The following ALDH3B2 variants were observed in gnomAD, a reference collection of about 807,000 sequenced individuals.
ALDH3B2 encodes aldehyde dehydrogenase family 3 member B2.
A neutral mutation model predicts 36.7 loss-of-function variants in ALDH3B2; 45 were observed. The observed-to-expected ratio is 1.23, with a 90% CI of 0.97 to 1.57. The LOEUF is 1.57. ALDH3B2 is among the 40% of genes most tolerant of loss of function. ALDH3B2 has a pLI of 0.00. For missense variants in ALDH3B2, 464 were observed against 513.3 expected, an observed-to-expected ratio of 0.90 and a Z score of 0.93; for synonymous variants, 217 against 226.5, an observed-to-expected ratio of 0.96 and a Z score of 0.38.
intron 1 of ALDH3B2, among the ~76,000 whole-genome samples, chr11:67,670,586 C>T (rs1387329342): frequency 3.9e-5 from 6 of 152,132 alleles, no homozygotes; most frequent in African/African-American, 1.2e-4. Context: ...GGACAGTGCT[C>T]GCCCATGGAC....
intron 6 of ALDH3B2, 125 bp from the exon 7 acceptor site, chr11:67,665,796 G>C: frequency 7.1e-7 from 1 of 1,406,228 alleles, no homozygotes; most frequent in Non-Finnish European, 9.6e-7. Context: ...ACATGGTGAG[G>C]AGACCCCATC....
At chr11:67,671,700 C>G (rs941936858) in intron 1 of ALDH3B2, among the ~76,000 whole-genome samples, 3 of 151,906 alleles carry the variant, frequency 2.0e-5, no homozygotes, top group Non-Finnish European at 2.9e-5. Context: ...GCATGCACCA[C>G]CACGCCCAAA....
intron 1 of ALDH3B2, among the ~76,000 whole-genome samples, chr11:67,679,863 G>C (rs1260548391): frequency 1.3e-5 from 2 of 152,090 alleles, no homozygotes; most frequent in Non-Finnish European, 2.9e-5. Context: ...ACATAAATTG[G>C]TCTTACTATA....
chr11:67,664,642 G>T, intron 7 of ALDH3B2, 80 bp from the exon 8 acceptor site: 3 of 1,553,536 alleles, frequency 1.9e-6, no homozygotes, highest in Non-Finnish European at 8.7e-7. Context: ...GGGGACAGGG[G>T]CATGGGCCAG....
chr11:67,676,196 G>A (rs553640465), upstream of ALDH3B2, among the ~76,000 whole-genome samples: 139 of 152,230 alleles, frequency 9.1e-4, no homozygotes, highest in African/African-American at 3.2e-3. Context: ...GCAGTGAGCT[G>A]AGAGCACACC....
intron 8 of ALDH3B2, 127 bp from the exon 9 acceptor site, chr11:67,663,888 T>G (rs1344783416): frequency 1.3e-6 from 1 of 741,004 alleles, no homozygotes; most frequent in Non-Finnish European, 2.1e-6. Flanking sequence ...GGCAATAATC[T>G]CCGCTCTAAG....
upstream of ALDH3B2, among the ~76,000 whole-genome samples, chr11:67,676,269 C>T (rs116236282): frequency 1.8e-3 from 267 of 151,856 alleles, no homozygotes; most frequent in African/African-American, 5.5e-3. Context: ...TCTTAGACCA[C>T]GGTGGAATAA....
intron 7 of ALDH3B2, 146 bp downstream of exon 7, chr11:67,665,139 C>A (rs557994495): frequency 7.2e-7 from 1 of 1,392,612 alleles, no homozygotes; most frequent in Non-Finnish European, 9.7e-7. Flanking sequence ...GAGACGGAAT[C>A]GTGGCACCAG....
At chr11:67,662,417 G>A (rs1443015070) in exon 10 of ALDH3B2, 1 of 152,244 alleles carries the variant, frequency 6.6e-6, no homozygotes, top group Non-Finnish European at 1.5e-5. Context: ...TCTTGAGGAC[G>A]TGCTTTCCAT....
rs771280828 is a variant in ALDH3B2, at chr11:67,663,324, G to A, written c.1049C>T (p.Ala350Val). 4 of 1,614,186 alleles carry A rather than the reference G, an allele frequency of 2.5e-6. No individual in the cohort carries two copies. The South Asian group carries it at 4.4e-5, about 18-fold the overall frequency. ...CTTTAATTTCTCCAGGCCGGAGGGG[G>A]CGAGCAGGCAGGTGCGGTGGTGGGA... is the stretch of plus-strand genomic sequence containing the variant. Residue 350 changes from alanine (A) to valine (V), a missense_variant, in exon 10 of 10, where the codon GCC (alanine) becomes GTC (valine). Coordinates refer to ENST00000349015, the Ensembl canonical transcript of ALDH3B2.
At chr11:67,668,883 G>GGTGTCTGTGTGTGTATGGGTGCTGT (rs1555036414) in intron 1 of ALDH3B2, among the ~76,000 whole-genome samples, 2 of 147,116 alleles carry the variant, frequency 1.4e-5, no homozygotes, top group African/African-American at 5.1e-5. Context: ...TGTGTGTATG[G>GGTGTCTGTGTGTGTATGGGTGCTGT]GTGTCTGTGT....
In ALDH3B2 at chr11:67,663,809, G is replaced by A. The variant is rs370310827; in HGVS notation, c.874-48C>T. On this transcript the variant is annotated intron_variant, in intron 8 of 9. Transcript: ENST00000349015. ...GTGTTGGGCTCTAGTCATGAGAAGAGGGCTTGAGCCCCGCACATTCCACAG... is the reference window on the plus strand; with the variant it reads ...GTGTTGGGCTCTAGTCATGAGAAGAAGGCTTGAGCCCCGCACATTCCACAG... 1,387 of 1,523,024 alleles carry A rather than the reference G, an allele frequency of 9.1e-4. 3 individuals carry two copies. Among genetic ancestry groups the A allele is most frequent in the Non-Finnish European group, 1.1e-3 (1,254 of 1,111,186 alleles). The allele number at this position is 1,523,024 out of a possible 1,614,324, so 94.3% of individuals were successfully genotyped here.
chr11:67,669,678 ATGTGTATGGGTGTCTGTG>A (rs1233902302), intron 1 of ALDH3B2, among the ~76,000 whole-genome samples: 13 of 83,390 alleles, frequency 1.6e-4, no homozygotes, highest in South Asian at 1.4e-3. Context: ...GTGTGTCTGT[ATGTGTATGGGTGTCTGTG>A]TGTGTATGGG....
intron 1 of ALDH3B2, among the ~76,000 whole-genome samples, chr11:67,680,332 A>G (rs1232701285): frequency 6.6e-6 from 1 of 152,166 alleles, no homozygotes; most frequent in East Asian, 1.9e-4. Context: ...AGAGTACCAG[A>G]TTATAATTTT....
At chr11:67,673,721 C>CTAT (rs745834178) in intron 1 of ALDH3B2, 1 of 152,190 alleles carries the variant, frequency 6.6e-6, no homozygotes, top group Non-Finnish European at 1.5e-5. Context: ...AGCCTCACAG[C>CTAT]TATTATTATT....
intron 7 of ALDH3B2, 51 bp from the exon 8 acceptor site, chr11:67,664,613 C>G: frequency 6.2e-7 from 1 of 1,601,668 alleles, no homozygotes. Flanking sequence ...AGGACTGCCC[C>G]CAGGGGTAGG....
At chr11:67,666,291 A>G in intron 5 of ALDH3B2, 25 bp downstream of exon 5, 1 of 1,610,262 alleles carries the variant, frequency 6.2e-7, no homozygotes, top group Non-Finnish European at 8.5e-7. Context: ...GACGTCGGGC[A>G]CTGCTGGGGC....
chr11:67,670,721 T>C (rs1856084551), intron 1 of ALDH3B2, among the ~76,000 whole-genome samples: 1 of 152,096 alleles, frequency 6.6e-6, no homozygotes, highest in Non-Finnish European at 1.5e-5. Flanking sequence ...CTGGGCACCT[T>C]CCTGGCCACA....
intron 3 of ALDH3B2, 60 bp from the exon 4 acceptor site, chr11:67,666,754 C>G (rs1461572806): frequency 1.9e-6 from 3 of 1,609,990 alleles, no homozygotes; most frequent in African/African-American, 2.7e-5. Context: ...CCACCCACTG[C>G]ACACTTGGGG....
Sources: allele counts gnomAD v4.1 joint callset (sites outside exome capture counted in the v4.1 genomes callset), GRCh38; gene constraint gnomAD v4.1.1; transcripts MANE v1.5; gene names NCBI Gene and HGNC (gene_info 2026-07-23, HGNC 2026-07-21).